Variants in IAPP observed in about 807,000 individuals in gnomAD.
The protein encoded by IAPP is Islet amyloid polypeptide (diabetes-associated peptide; amylin).
In IAPP, 4 loss-of-function variants were observed where a neutral mutation model predicts 2.9. The ratio of observed to expected loss-of-function variants is 1.39; its 90% CI spans 0.69 to 3.19. The LOEUF is 3.19. Among genes scored for constraint, IAPP ranks in the 30% most tolerant of loss-of-function variants. The pLI, the probability that IAPP is intolerant of heterozygous loss-of-function variation, is 0.01. For missense variants in IAPP, 114 were observed against 105.3 expected (o/e 1.08, Z -0.36); for synonymous variants, 40 against 42.1 (o/e 0.95, Z 0.19).
At chr12:21,371,826 A>C (rs1939817098), upstream of IAPP, among the ~76,000 whole-genome samples, 1 of 152,064 alleles carries the variant, frequency 6.6e-6, no homozygotes, top group Middle Eastern at 3.2e-3. Context: ...AACATAGAGA[A>C]TCCCCGTCTC....
intron 1 of IAPP, among the ~76,000 whole-genome samples, chr12:21,363,262 C>T (rs1378943425): frequency 6.6e-6 from 1 of 152,154 alleles, no homozygotes; most frequent in Non-Finnish European, 1.5e-5. Context: ...CGCTCAACTA[C>T]ATGGAAACTG....
chr12:21,362,384 G>C (rs1015597232), intron 1 of IAPP, among the ~76,000 whole-genome samples: 17 of 152,030 alleles, frequency 1.1e-4, no homozygotes, highest in Non-Finnish European at 2.5e-4. Flanking sequence ...TGACTTACAA[G>C]AGCTCCTTAA....
intron 1 of IAPP, among the ~76,000 whole-genome samples, chr12:21,364,222 G>A (rs1939183681): frequency 6.6e-6 from 1 of 152,130 alleles, no homozygotes; most frequent in Non-Finnish European, 1.5e-5. Context: ...CTTCATCCCT[G>A]GGATGCAAGG....
intron 1 of IAPP, among the ~76,000 whole-genome samples, chr12:21,365,710 C>T (rs1939321623): frequency 1.3e-5 from 2 of 151,978 alleles, no homozygotes; most frequent in Non-Finnish European, 2.9e-5. Context: ...AGAAAAAAAA[C>T]AAACAACCCC....
At chr12:21,362,674 G>C (rs12308945) in intron 1 of IAPP, among the ~76,000 whole-genome samples, 4 of 151,910 alleles carry the variant, frequency 2.6e-5, no homozygotes, top group African/African-American at 7.3e-5. Flanking sequence ...GCAGAGACAC[G>C]CATAGGCTCA....
intron 2 of IAPP, among the ~76,000 whole-genome samples, chr12:21,377,170 T>C (rs908732968): frequency 3.3e-5 from 5 of 152,164 alleles, no homozygotes; most frequent in Admixed American, 6.5e-5. Flanking sequence ...ATTAATACCA[T>C]TGACATAAAA....
At chr12:21,364,366 C>G (rs1285939151) in intron 1 of IAPP, among the ~76,000 whole-genome samples, 3 of 152,150 alleles carry the variant, frequency 2.0e-5, no homozygotes, top group African/African-American at 4.8e-5. Context: ...GCTGAAAACT[C>G]TCAATAAACT....
At chr12:21,367,479 C>T (rs1939477999) in intron 1 of IAPP, among the ~76,000 whole-genome samples, 1 of 151,756 alleles carries the variant, frequency 6.6e-6, no homozygotes, top group South Asian at 2.1e-4. Flanking sequence ...TGAGAATGGG[C>T]AGTGAGAGGG....
chr12:21,376,306 T>G, intron 2 of IAPP: 1 of 352,018 alleles, frequency 2.8e-6, no homozygotes, highest in Non-Finnish European at 5.8e-6. Context: ...TAATTTTCCT[T>G]TATTACTTTT....
At chr12:21,366,063 G>A (rs985271824) in intron 1 of IAPP, among the ~76,000 whole-genome samples, 2 of 152,284 alleles carry the variant, frequency 1.3e-5, no homozygotes, top group Admixed American at 6.5e-5. Context: ...ATACCCAAAG[G>A]AGTATAAATC....
chr12:21,358,285 CA>C (rs1206112746), intron 1 of IAPP, among the ~76,000 whole-genome samples: 1 of 152,124 alleles, frequency 6.6e-6, no homozygotes, highest in African/African-American at 2.4e-5. Flanking sequence ...CAGCTTTTTA[CA>C]TAGAAAATAG....
Position 21,378,297 on chromosome 12 carries a change from T to C in IAPP, c.141T>C (p.Asn47=), listed in dbSNP as rs138539884. 30 of 1,613,992 alleles carry C rather than the reference T, an allele frequency of 1.9e-5. No individual in the cohort carries two copies. Among genetic ancestry groups the C allele is most frequent in the Non-Finnish European group, 2.5e-5 (29 of 1,179,986 alleles). ...CATGTGCAACGCAGCGCCTGGCAAA[T>C]TTTTTAGTTCATTCCAGCAACAACT... is the stretch of plus-strand genomic sequence containing the variant. ...TATCATQRLA[N]FLVHSSNNFG... The change falls in exon 3 of 3, where the codon AAT becomes AAC. Residue 47 remains asparagine (N), a synonymous_variant. Coordinates refer to ENST00000240652, the MANE Select transcript of IAPP (RefSeq NM_000415.3).
At chr12:21,373,242 A>C (rs1939929364) in intron 1 of IAPP, 95 bp from the exon 2 acceptor site, 4 of 794,664 alleles carry the variant, frequency 5.0e-6, no homozygotes, top group Middle Eastern at 2.3e-4. Flanking sequence ...CGTTTTAAAA[A>C]GATGTTTCTT....
At chr12:21,376,213 A>G (rs1384811408) in intron 2 of IAPP, 1 of 159,678 alleles carries the variant, frequency 6.3e-6, no homozygotes, top group Non-Finnish European at 1.4e-5. Flanking sequence ...TTTAGCATAT[A>G]AAGTATTTCA....
At chr12:21,370,148 CCTGAGTAGCT>C (rs1179469191), upstream of IAPP, among the ~76,000 whole-genome samples, 1 of 152,000 alleles carries the variant, frequency 6.6e-6, no homozygotes, top group African/African-American at 2.4e-5. Context: ...TCATTCTGCT[CCTGAGTAGCT>C]CTGTAACCTT....
chr12:21,373,464 CTT>C, intron 2 of IAPP, 33 bp downstream of exon 2: 2 of 1,468,666 alleles, frequency 1.4e-6, no homozygotes, highest in Non-Finnish European at 1.9e-6. Flanking sequence ...TTCTTTGTAA[CTT>C]TTGTAAAGTG....
chr12:21,363,156 C>A (rs1399448103), intron 1 of IAPP, among the ~76,000 whole-genome samples: 1 of 152,126 alleles, frequency 6.6e-6, no homozygotes, highest in Non-Finnish European at 1.5e-5. Context: ...TAAAGCACTC[C>A]TCAGCAAATG....
upstream of IAPP, among the ~76,000 whole-genome samples, chr12:21,370,897 G>A (rs547341967): frequency 6.4e-4 from 98 of 152,250 alleles, no homozygotes; most frequent in Non-Finnish European, 1.1e-3. Context: ...TAGCCCTCAA[G>A]GGTTCTTGGC....
intron 1 of IAPP, among the ~76,000 whole-genome samples, chr12:21,363,042 G>T (rs1939056827): frequency 1.3e-5 from 2 of 152,168 alleles, no homozygotes; most frequent in Non-Finnish European, 1.5e-5. Context: ...GCACCAAGCG[G>T]ACCTAATAGA....
Sources: allele counts gnomAD v4.1 joint callset (sites outside exome capture counted in the v4.1 genomes callset), GRCh38; gene constraint gnomAD v4.1.1; transcripts MANE v1.5; gene names NCBI Gene and HGNC (gene_info 2026-07-23, HGNC 2026-07-21).